Variants in RGS7 observed in about 807,000 individuals in gnomAD.
RGS7 encodes the protein regulator of G-protein signaling 7.
In RGS7, 27 loss-of-function variants were observed where a neutral mutation model predicts 81.1. That is an observed-to-expected ratio of 0.33 (90% confidence interval 0.25 to 0.46). RGS7 has a LOEUF of 0.46. Among genes scored for constraint, RGS7 ranks in the 20% least tolerant of loss-of-function variants. The pLI, the probability that RGS7 is intolerant of heterozygous loss-of-function variation, is 1.00. For synonymous variants in RGS7, 208 were observed against 207.7 expected (o/e 1.00, Z -0.01); for missense variants, 396 against 607.4 (o/e 0.65, Z 3.66).
At chr1:241,293,169 C>T (rs2079185102) in intron 2 of RGS7, among the ~76,000 whole-genome samples, 1 of 152,144 alleles carries the variant, frequency 6.6e-6, no homozygotes, top group Admixed American at 6.5e-5. Context: ...CGCCTAGCAA[C>T]ACTGTAGCAG....
intron 2 of RGS7, among the ~76,000 whole-genome samples, chr1:241,302,535 C>T (rs1022497716): frequency 2.0e-5 from 3 of 152,024 alleles, no homozygotes; most frequent in Admixed American, 6.6e-5. Flanking sequence ...GGCAACAGAG[C>T]GAGACTCTGT....
intron 2 of RGS7, among the ~76,000 whole-genome samples, chr1:241,113,774 G>A (rs1227488850): frequency 2.0e-5 from 3 of 152,096 alleles, no homozygotes. Context: ...GATAAAACAT[G>A]TACTTTACAG....
intron 2 of RGS7, among the ~76,000 whole-genome samples, chr1:241,331,164 A>G (rs1353371335): frequency 6.6e-6 from 1 of 152,194 alleles, no homozygotes; most frequent in African/African-American, 2.4e-5. Flanking sequence ...AAGAAAGTCT[A>G]ATTTAAGAAA....
chr1:241,307,333 C>T lies in RGS7; in HGVS notation c.78+48366G>A, dbSNP rs200448395. Among the ~76,000 whole-genome samples, 22 of 152,274 alleles carry T rather than the reference C, an allele frequency of 1.4e-4. No individual in the cohort carries two copies. In the East Asian group the frequency reaches 3.3e-3, roughly 23 times the overall value. On this transcript the variant is annotated intron_variant, in intron 2 of 18. Transcript: ENST00000440928. ...AGTTCCACAATGAAGAAGAATCTAACAGGAGTTCAATGTAACCACTGTCAT... is the reference window on the plus strand; with the variant it reads ...AGTTCCACAATGAAGAAGAATCTAATAGGAGTTCAATGTAACCACTGTCAT...
At chr1:241,248,441 C>T (rs1228734501) in intron 2 of RGS7, among the ~76,000 whole-genome samples, 1 of 148,438 alleles carries the variant, frequency 6.7e-6, no homozygotes, top group African/African-American at 2.5e-5. Context: ...TAATCTCTGC[C>T]TTTTGGAAAA....
intron 6 of RGS7, among the ~76,000 whole-genome samples, chr1:240,887,395 A>AT (rs1465428914): frequency 6.6e-6 from 1 of 151,826 alleles, no homozygotes; most frequent in Non-Finnish European, 1.5e-5. Context: ...CGCCCGGCTC[A>AT]TTTTTTGTAT....
chr1:240,892,492 C>T (rs1012700493), intron 6 of RGS7, among the ~76,000 whole-genome samples: 9 of 152,290 alleles, frequency 5.9e-5, no homozygotes, highest in Admixed American at 4.6e-4. Flanking sequence ...TCATCTAAAA[C>T]GTTGCTTTTC....
At chr1:241,290,337 G>A (rs2148445168) in intron 2 of RGS7, among the ~76,000 whole-genome samples, 1 of 152,160 alleles carries the variant, frequency 6.6e-6, no homozygotes, top group East Asian at 1.9e-4. Flanking sequence ...TAGTCTACTA[G>A]CTAACAGATT....
At chr1:241,279,464 T>C (rs986749270) in intron 2 of RGS7, among the ~76,000 whole-genome samples, 2 of 152,268 alleles carry the variant, frequency 1.3e-5, no homozygotes, top group Admixed American at 1.3e-4. Context: ...CTATGTATCA[T>C]GTACCTATGT....
intron 3 of RGS7, among the ~76,000 whole-genome samples, chr1:240,992,873 G>A (rs968808105): frequency 6.6e-6 from 1 of 151,036 alleles, no homozygotes; most frequent in Non-Finnish European, 1.5e-5. Flanking sequence ...ATATTAGCCG[G>A]GCATGGTGGC....
At chr1:240,997,250 T>C (rs1687431738) in intron 3 of RGS7, among the ~76,000 whole-genome samples, 2 of 152,170 alleles carry the variant, frequency 1.3e-5, no homozygotes, top group South Asian at 4.1e-4. Flanking sequence ...CTGCTAAGTA[T>C]GATTACAGGT....
At chr1:241,073,396 C>T (rs969601335) in intron 3 of RGS7, among the ~76,000 whole-genome samples, 2 of 152,108 alleles carry the variant, frequency 1.3e-5, no homozygotes, top group African/African-American at 4.8e-5. Flanking sequence ...TTTCACAGAA[C>T]CTGACTACAG....
intron 4 of RGS7, among the ~76,000 whole-genome samples, chr1:240,954,233 T>C (rs1679997041): frequency 6.6e-6 from 1 of 152,050 alleles, no homozygotes; most frequent in Admixed American, 6.6e-5. Flanking sequence ...AAAGCACAGG[T>C]ATCCCTTCCT....
chr1:241,073,449 A>G (rs2062598650), intron 3 of RGS7, among the ~76,000 whole-genome samples: 1 of 152,262 alleles, frequency 6.6e-6, no homozygotes, highest in African/African-American at 2.4e-5. Flanking sequence ...GTGGCTACAT[A>G]CAACAAATGT....
chr1:241,136,354 G>T (rs1327082480), intron 2 of RGS7, among the ~76,000 whole-genome samples: 2 of 152,130 alleles, frequency 1.3e-5, no homozygotes, highest in Admixed American at 1.3e-4. Flanking sequence ...CCTCATCTTT[G>T]AACATTGGTC....
At chr1:241,227,570 C>CAAAAAA (rs5782179) in intron 2 of RGS7, among the ~76,000 whole-genome samples, 41,028 of 102,032 alleles carry the variant, frequency 0.4, 8,261 homozygotes, top group East Asian at 0.48. Flanking sequence ...CTGTCTCTAC[C>CAAAAAA]AAAAAAAAAA....
intron 2 of RGS7, among the ~76,000 whole-genome samples, chr1:241,231,310 AC>A (rs1194158377): frequency 6.6e-6 from 1 of 152,100 alleles, no homozygotes; most frequent in East Asian, 1.9e-4. Context: ...AATTAATAGT[AC>A]CCCCTCTAGT....
intron 18 of RGS7, among the ~76,000 whole-genome samples, chr1:240,787,551 C>T (rs1685273380): frequency 6.6e-6 from 1 of 152,158 alleles, no homozygotes. Context: ...TTCTGTCTTC[C>T]TCCCTGTTCC....
At chr1:241,071,874 C>CAAAAAAAAAAAAAAAAAAAAAAAAA (rs58217460) in intron 3 of RGS7, among the ~76,000 whole-genome samples, 14 of 56,852 alleles carry the variant, frequency 2.5e-4, no homozygotes, top group East Asian at 8.8e-4. Flanking sequence ...GAGACCCTGT[C>CAAAAAAAAAAAAAAAAAAAAAAAAA]AAAAAAAAAA....
Sources: allele counts gnomAD v4.1 joint callset (sites outside exome capture counted in the v4.1 genomes callset), GRCh38; gene constraint gnomAD v4.1.1; transcripts MANE v1.5; gene names NCBI Gene and HGNC (gene_info 2026-07-23, HGNC 2026-07-21).